The following TP63 variants were observed in gnomAD, a reference collection of about 807,000 sequenced individuals.
TP63 encodes the protein tumor protein 63.
In TP63, 17 loss-of-function variants were observed where a neutral mutation model predicts 82.8. That is an observed-to-expected ratio of 0.21 (90% CI 0.14 to 0.31). The LOEUF (loss-of-function observed/expected upper bound fraction) is 0.31. TP63 is among the 10% of genes least tolerant of loss of function. TP63 has a pLI of 1.00. For synonymous variants in TP63, 330 were observed against 321.7 expected, an observed-to-expected ratio of 1.03 and a Z score of -0.28; for missense variants, 648 against 895.3, an observed-to-expected ratio of 0.72 and a Z score of 3.52.
Position 189,743,926 on chromosome 3 carries a change from A to C in TP63, c.324+5152A>C, listed in dbSNP as rs1721182000. On this transcript the variant is annotated intron_variant, in intron 3 of 13. Transcript: ENST00000264731. ...CCCTTTGACCATCATGGGCCCTGAG[A>C]CTAACATAAGGAGCTGAAGACTACT... 5.9e-5 allele frequency among the ~76,000 whole-genome samples: 9 copies of C among 152,204 alleles called. 1 individual carries two copies. In the South Asian group the frequency reaches 1.9e-3, roughly 32 times the overall value.
intron 4 of TP63, among the ~76,000 whole-genome samples, chr3:189,815,413 A>G (rs1728074393): frequency 6.6e-6 from 1 of 152,176 alleles, no homozygotes. Context: ...AACTGTGGCA[A>G]AAGAGCTTAT....
At chr3:189,772,339 G>A (rs1192026485) in intron 3 of TP63, among the ~76,000 whole-genome samples, 1 of 152,122 alleles carries the variant, frequency 6.6e-6, no homozygotes, top group Non-Finnish European at 1.5e-5. Flanking sequence ...GCCTTAGATC[G>A]CATTGCTAAT....
intron 3 of TP63, 167 bp downstream of exon 3, chr3:189,738,941 A>C: frequency 4.3e-6 from 4 of 928,196 alleles, no homozygotes; most frequent in Non-Finnish European, 6.6e-6. Flanking sequence ...TGGATTATGC[A>C]TTCTGGGTCT....
chr3:189,830,485 G>C lies in TP63; in HGVS notation c.579+21959G>C, dbSNP rs1712155269. On this transcript the variant is annotated intron_variant, in intron 4 of 13. Coordinates refer to ENST00000264731, the MANE Select transcript of TP63 (RefSeq NM_003722.5). Reference sequence around the variant, plus strand: ...AAAAACCTCCAGTTTACTAACAGGAGTTGAAAGTCATCACTTTTCCTTTCA... The same window carrying C: ...AAAAACCTCCAGTTTACTAACAGGACTTGAAAGTCATCACTTTTCCTTTCA... Among the ~76,000 whole-genome samples, 6 of 152,318 alleles carry C rather than the reference G, an allele frequency of 3.9e-5. No individual in the cohort carries two copies. In the South Asian group the frequency reaches 1.2e-3, roughly 32 times the overall value.
At chr3:189,683,091 C>T (rs1160899827) in intron 1 of TP63, among the ~76,000 whole-genome samples, 2 of 152,076 alleles carry the variant, frequency 1.3e-5, no homozygotes, top group Non-Finnish European at 2.9e-5. Context: ...GTTTCATGCA[C>T]CTATTAAGTG....
chr3:189,639,611 A>G (rs1711628213), intron 1 of TP63, among the ~76,000 whole-genome samples: 1 of 152,126 alleles, frequency 6.6e-6, no homozygotes, highest in Non-Finnish European at 1.5e-5. Context: ...GTTAGGTTGA[A>G]CAGCAAACAC....
Position 189,896,910 on chromosome 3 carries a change from A to G in TP63, c.*2408A>G. The stretch of plus-strand genomic sequence containing the variant: ...TCAATGCAGTTAGCTGAAGAATTGA[A>G]AAGTTTTTGTTTGGAGACGTTTATA... On this transcript the variant is annotated 3_prime_UTR_variant, in exon 14 of 14. Transcript: ENST00000264731. The G allele has an allele frequency of 4.5e-6, 1 of 223,794 alleles. No individual in the cohort carries two copies. The highest frequency in any genetic ancestry group is 8.9e-6 in the Non-Finnish European group (1 of 111,878). 13.9% of individuals were successfully genotyped at this position (223,794 alleles called of 1,614,324 possible).
chr3:189,811,568 A>C (rs1020327871), intron 4 of TP63, among the ~76,000 whole-genome samples: 7 of 152,220 alleles, frequency 4.6e-5, no homozygotes, highest in African/African-American at 1.7e-4. Context: ...TTCGTCATGG[A>C]TACCTGCATC....
chr3:189,849,418 C>T (rs1473965394), intron 4 of TP63, among the ~76,000 whole-genome samples: 3 of 152,072 alleles, frequency 2.0e-5, no homozygotes, highest in Non-Finnish European at 2.9e-5. Flanking sequence ...TCCGGGTAGA[C>T]AGTGTCACAG....
At chr3:189,780,417 T>C (rs1483251213) in intron 3 of TP63, among the ~76,000 whole-genome samples, 1 of 152,238 alleles carries the variant, frequency 6.6e-6, no homozygotes, top group East Asian at 1.9e-4. Context: ...GAACTGATCA[T>C]TAGGTTCTTA....
At chr3:189,639,146 A>G (rs1184810693) in intron 1 of TP63, among the ~76,000 whole-genome samples, 3 of 152,168 alleles carry the variant, frequency 2.0e-5, no homozygotes, top group Non-Finnish European at 4.4e-5. Flanking sequence ...TAAAGAATTC[A>G]CCATGAAAAA....
intron 10 of TP63, among the ~76,000 whole-genome samples, chr3:189,876,804 A>C (rs1425695269): frequency 6.6e-6 from 1 of 152,208 alleles, no homozygotes; most frequent in Non-Finnish European, 1.5e-5. Context: ...ACAAAGAAAA[A>C]CAAAAATCTA....
chr3:189,720,827 C>T (rs1315883682), intron 1 of TP63, among the ~76,000 whole-genome samples: 1 of 151,866 alleles, frequency 6.6e-6, no homozygotes, highest in East Asian at 1.9e-4. Context: ...ATTCATTATC[C>T]AGCATCTCCT....
chr3:189,749,772 TTAA>T (rs1183521496), intron 3 of TP63, among the ~76,000 whole-genome samples: 1 of 152,098 alleles, frequency 6.6e-6, no homozygotes, highest in African/African-American at 2.4e-5. Flanking sequence ...TGTCCATCAA[TTAA>T]TAAAGAAATA....
At chr3:189,761,970 C>T (rs1722619008) in intron 3 of TP63, among the ~76,000 whole-genome samples, 1 of 152,132 alleles carries the variant, frequency 6.6e-6, no homozygotes, top group Non-Finnish European at 1.5e-5. Flanking sequence ...ATGGGAAAGA[C>T]CTGCTCCCAT....
intron 1 of TP63, among the ~76,000 whole-genome samples, chr3:189,644,477 T>C (rs1305770821): frequency 6.6e-6 from 1 of 152,230 alleles, no homozygotes; most frequent in Non-Finnish European, 1.5e-5. Context: ...CATAGAATAA[T>C]ACAAAATGTG....
At chr3:189,638,110 A>G (rs898955932) in intron 1 of TP63, among the ~76,000 whole-genome samples, 32 of 152,244 alleles carry the variant, frequency 2.1e-4, no homozygotes, top group Middle Eastern at 3.4e-3. Flanking sequence ...TGATCTGCAG[A>G]ACGGCAAGAT....
chr3:189,848,495 A>G (rs1715224585), intron 4 of TP63, among the ~76,000 whole-genome samples: 1 of 151,988 alleles, frequency 6.6e-6, no homozygotes, highest in African/African-American at 2.4e-5. Flanking sequence ...CTGGGATGAC[A>G]GGCATGAGCC....
chr3:189,892,664 C>T (rs1256405754), intron 13 of TP63, among the ~76,000 whole-genome samples: 2 of 151,994 alleles, frequency 1.3e-5, no homozygotes, highest in African/African-American at 4.8e-5. Context: ...TGGTGGTGCA[C>T]CTCTGTAGTC....
Sources: allele counts gnomAD v4.1 joint callset (sites outside exome capture counted in the v4.1 genomes callset), GRCh38; gene constraint gnomAD v4.1.1; transcripts MANE v1.5; gene names NCBI Gene and HGNC (gene_info 2026-07-23, HGNC 2026-07-21).